STK33: variants seen among roughly 807,000 people sequenced by gnomAD.
The protein encoded by STK33 is serine/threonine-protein kinase 33.
STK33 carries 52 observed loss-of-function variants against 58.0 expected under a neutral mutation model. That is an observed-to-expected ratio of 0.90 (90% CI 0.72 to 1.13). The LOEUF is 1.13. Ranked by LOEUF, STK33 falls within the 50% of genes most tolerant of loss-of-function variation. STK33 has a pLI of 0.00. For synonymous variants in STK33, 215 were observed against 200.1 expected (o/e 1.07, Z -0.63); for missense variants, 630 against 604.2 (o/e 1.04, Z -0.45).
At chr11:8,522,440 C>G (rs1953551220) in intron 1 of STK33, among the ~76,000 whole-genome samples, 1 of 148,502 alleles carries the variant, frequency 6.7e-6, no homozygotes, top group African/African-American at 2.5e-5. Context: ...CAGTTGGACA[C>G]AGGGTGGGGA....
At chr11:8,483,430 C>A (rs973718767) in intron 1 of STK33, among the ~76,000 whole-genome samples, 1 of 152,070 alleles carries the variant, frequency 6.6e-6, no homozygotes, top group African/African-American at 2.4e-5. Flanking sequence ...AGAATAGGCA[C>A]AAAAGATGGA....
intron 1 of STK33, among the ~76,000 whole-genome samples, chr11:8,505,781 TGAAG>T (rs1457130419): frequency 2.6e-5 from 4 of 152,160 alleles, no homozygotes; most frequent in East Asian, 1.9e-4. Context: ...AACAAATGAA[TGAAG>T]GAAGGAATGA....
downstream of STK33, among the ~76,000 whole-genome samples, chr11:8,387,221 G>A (rs1208102819): frequency 6.6e-6 from 1 of 152,200 alleles, no homozygotes; most frequent in Non-Finnish European, 1.5e-5. Context: ...GGCTCCTGCT[G>A]GAGACAGAGG....
chr11:8,396,900 C>T (rs550186810), intron 15 of STK33, among the ~76,000 whole-genome samples: 1 of 152,334 alleles, frequency 6.6e-6, no homozygotes, highest in East Asian at 1.9e-4. Context: ...TGCAAGGCTG[C>T]AACGAGGCTG....
Position 8,407,556 on chromosome 11 carries a change from T to C in STK33, c.1344+5939A>G, listed in dbSNP as rs1939463477. Reference sequence around the variant, plus strand: ...CAGATTTTCTATTTTTGTGTAACTGTTTTTGTACTTTTAAAAGAAATTTGA... The same window carrying C: ...CAGATTTTCTATTTTTGTGTAACTGCTTTTGTACTTTTAAAAGAAATTTGA... On this transcript the variant is annotated intron_variant, in intron 15 of 15. Transcript: ENST00000687296. Among the ~76,000 whole-genome samples the C allele has an allele frequency of 2.0e-5, 3 of 152,278 alleles. No individual in the cohort carries two copies. In the South Asian group the frequency reaches 6.2e-4, roughly 32 times the overall value.
intron 1 of STK33, among the ~76,000 whole-genome samples, chr11:8,487,441 A>AAGAG (rs796952542): frequency 1.2e-4 from 15 of 120,786 alleles, no homozygotes; most frequent in African/African-American, 4.5e-4. Context: ...AAAAAAAAAA[A>AAGAG]AGAGAGAGAG....
the STK33 span, among the ~76,000 whole-genome samples, chr11:8,365,335 C>G: frequency 6.6e-6 from 1 of 152,180 alleles, no homozygotes; most frequent in Non-Finnish European, 1.5e-5. Flanking sequence ...CTGACGGGGA[C>G]CTTCCCTCCC....
chr11:8,539,647 T>C (rs1227536129), intron 1 of STK33, among the ~76,000 whole-genome samples: 1 of 152,166 alleles, frequency 6.6e-6, no homozygotes, highest in South Asian at 2.1e-4. Context: ...ATTCGAAGAA[T>C]CTACCTGAAA....
the STK33 span, among the ~76,000 whole-genome samples, chr11:8,346,752 G>A: frequency 6.6e-5 from 10 of 151,998 alleles, no homozygotes; most frequent in South Asian, 4.2e-4. Context: ...TCTTGCTGCC[G>A]TAACTCAAGC....
chr11:8,516,491 G>A (rs1952794449), intron 1 of STK33, among the ~76,000 whole-genome samples: 1 of 152,182 alleles, frequency 6.6e-6, no homozygotes. Context: ...ATCTCACTGG[G>A]GCTTGTCAGA....
At chr11:8,494,393 T>C (rs1950883506) in intron 1 of STK33, among the ~76,000 whole-genome samples, 1 of 152,180 alleles carries the variant, frequency 6.6e-6, no homozygotes, top group African/African-American at 2.4e-5. Context: ...ACAAGGGATG[T>C]GAAGGACCTC....
At chr11:8,473,910 T>C (rs1425580726) in intron 5 of STK33, among the ~76,000 whole-genome samples, 1 of 152,150 alleles carries the variant, frequency 6.6e-6, no homozygotes, top group African/African-American at 2.4e-5. Context: ...CGGTGGCTCA[T>C]GCCTGTAATC....
At chr11:8,345,091 C>T in the STK33 span, among the ~76,000 whole-genome samples, 3 of 152,164 alleles carry the variant, frequency 2.0e-5, no homozygotes, top group African/African-American at 2.4e-5. Context: ...CTTCCCCACT[C>T]GCACCTTCCC....
chr11:8,357,592 A>G, the STK33 span, among the ~76,000 whole-genome samples: 8 of 152,190 alleles, frequency 5.3e-5, no homozygotes, highest in African/African-American at 1.7e-4. Context: ...CACAGCCAGA[A>G]CCTGGGCTCG....
chr11:8,453,410 A>G (rs1229738214), intron 10 of STK33, among the ~76,000 whole-genome samples: 1 of 152,208 alleles, frequency 6.6e-6, no homozygotes, highest in Non-Finnish European at 1.5e-5. Flanking sequence ...ATTGGTAAAC[A>G]GTATCTTTTC....
chr11:8,462,762 A>G (rs1380497617), intron 7 of STK33, among the ~76,000 whole-genome samples: 1 of 152,168 alleles, frequency 6.6e-6, no homozygotes, highest in East Asian at 1.9e-4. Flanking sequence ...TAGGTAATTG[A>G]TAATCTACAA....
intron 6 of STK33, chr11:8,465,711 G>A (rs1177397239): frequency 6.6e-6 from 1 of 152,506 alleles, no homozygotes; most frequent in Non-Finnish European, 1.5e-5. Flanking sequence ...GCTAGTCAAA[G>A]CCTTCCATAG....
At chr11:8,560,663 T>C (rs1957059701) in intron 1 of STK33, among the ~76,000 whole-genome samples, 1 of 152,222 alleles carries the variant, frequency 6.6e-6, no homozygotes. Context: ...TATCTGCCCA[T>C]GTTTTTGCCT....
At chr11:8,505,217 T>C (rs1403963757) in intron 1 of STK33, among the ~76,000 whole-genome samples, 1 of 152,220 alleles carries the variant, frequency 6.6e-6, no homozygotes, top group Non-Finnish European at 1.5e-5. Context: ...CTGATTTGCA[T>C]CTACATATGC....
Sources: allele counts gnomAD v4.1 joint callset (sites outside exome capture counted in the v4.1 genomes callset), GRCh38; gene constraint gnomAD v4.1.1; transcripts MANE v1.5; gene names NCBI Gene and HGNC (gene_info 2026-07-23, HGNC 2026-07-21).